HSPA12A: variants seen among roughly 807,000 people sequenced by gnomAD.
HSPA12A encodes heat shock 70 kDa protein 12A.
A neutral mutation model predicts 69.2 loss-of-function variants in HSPA12A; 28 were observed. That is an observed-to-expected ratio of 0.40 (90% CI 0.30 to 0.55). The LOEUF (loss-of-function observed/expected upper bound fraction) is 0.55. Ranked by LOEUF, HSPA12A falls within the 20% of genes least tolerant of loss-of-function variation. The probability of loss-of-function intolerance (pLI) is 0.38; values close to 1 mark genes in which losing one functional copy is unlikely to be tolerated. For synonymous variants in HSPA12A, 345 were observed against 370.5 expected, an observed-to-expected ratio of 0.93 and a Z score of 0.79; for missense variants, 686 against 900.7, an observed-to-expected ratio of 0.76 and a Z score of 3.05.
chr10:116,848,738 AG>A (rs76877725), intron 1 of HSPA12A, among the ~76,000 whole-genome samples: 48,236 of 151,944 alleles, frequency 0.32, 7,775 homozygotes, highest in East Asian at 0.42. Context: ...AGGGAACGTG[AG>A]CCAAGGCCAT....
At chr10:116,786,921 G>T (rs762512964) in intron 2 of HSPA12A, among the ~76,000 whole-genome samples, 1 of 151,860 alleles carries the variant, frequency 6.6e-6, no homozygotes, top group Non-Finnish European at 1.5e-5. Flanking sequence ...ATTACAGGTA[G>T]GAGCCACTGC....
At chr10:116,718,328 G>A (rs1325832094) in intron 1 of HSPA12A, among the ~76,000 whole-genome samples, 2 of 152,226 alleles carry the variant, frequency 1.3e-5, no homozygotes, top group Non-Finnish European at 2.9e-5. Flanking sequence ...GGAGAGGGAA[G>A]AGGAGGTAAG....
At chr10:116,762,364 T>C (rs1367486078) in intron 2 of HSPA12A, among the ~76,000 whole-genome samples, 1 of 152,224 alleles carries the variant, frequency 6.6e-6, no homozygotes, top group East Asian at 1.9e-4. Flanking sequence ...TGTTTTTCTT[T>C]TTTTGTAAAA....
At chr10:116,707,464 TG>T (rs1850293105) in intron 1 of HSPA12A, among the ~76,000 whole-genome samples, 179 bp from the exon 2 acceptor site, 1 of 152,216 alleles carries the variant, frequency 6.6e-6, no homozygotes, top group Non-Finnish European at 1.5e-5. Context: ...AGCACCTCTT[TG>T]CATTTGGTAT....
Position 116,812,160 on chromosome 10 carries a change from A to C in HSPA12A, c.91+22775T>G, listed in dbSNP as rs139491386. On this transcript the variant is annotated intron_variant, in intron 2 of 12. Coordinates refer to the HSPA12A transcript ENST00000635765. ...TATATTTGCCCCCTGCCTTACTAAA[A>C]TCATGACACTGGCTGGGCACGCTGG... 8.5e-5 allele frequency among the ~76,000 whole-genome samples: 13 copies of C among 152,282 alleles called. No homozygotes were observed. The East Asian group carries it at 1.9e-3, about 23-fold the overall frequency.
chr10:116,694,624 G>A (rs1849831796), intron 5 of HSPA12A, among the ~76,000 whole-genome samples: 1 of 151,954 alleles, frequency 6.6e-6, no homozygotes, highest in Non-Finnish European at 1.5e-5. Context: ...GGCTTTCTGA[G>A]TCCTAAATTT....
chr10:116,844,248 G>C (rs1025662781), intron 1 of HSPA12A, among the ~76,000 whole-genome samples: 1 of 152,156 alleles, frequency 6.6e-6, no homozygotes, highest in Non-Finnish European at 1.5e-5. Flanking sequence ...TCAATGAAAT[G>C]ATGTAAGTAA....
At chr10:116,706,610 G>A (rs1850260117) in intron 2 of HSPA12A, among the ~76,000 whole-genome samples, 1 of 152,142 alleles carries the variant, frequency 6.6e-6, no homozygotes, top group East Asian at 1.9e-4. Context: ...GGCTGCCTGT[G>A]CATCTACGTG....
At chr10:116,770,452 C>T (rs1378301497) in intron 2 of HSPA12A, among the ~76,000 whole-genome samples, 1 of 152,162 alleles carries the variant, frequency 6.6e-6, no homozygotes, top group African/African-American at 2.4e-5. Context: ...AGTCCGATGC[C>T]CTCCTTGGGT....
intron 1 of HSPA12A, among the ~76,000 whole-genome samples, chr10:116,708,582 G>A (rs138793835): frequency 1.4e-4 from 22 of 152,280 alleles, no homozygotes; most frequent in African/African-American, 5.3e-4. Context: ...AAGAGGGAAT[G>A]TGAAGCCTCA....
chr10:116,782,118 C>T (rs1844476329), intron 2 of HSPA12A, among the ~76,000 whole-genome samples: 1 of 152,274 alleles, frequency 6.6e-6, no homozygotes, highest in South Asian at 2.1e-4. Flanking sequence ...GGCAAAGAGA[C>T]GTTCGCAGAG....
chr10:116,740,664 GTGTGTGTGTGT>G (rs1851465617), intron 1 of HSPA12A, among the ~76,000 whole-genome samples: 2 of 22,524 alleles, frequency 8.9e-5, no homozygotes, highest in African/African-American at 2.0e-4. Context: ...GTGTGTGTGT[GTGTGTGTGTGT>G]CTGTGTGTGT....
intron 2 of HSPA12A, among the ~76,000 whole-genome samples, chr10:116,784,761 C>A (rs1188625557): frequency 2.0e-5 from 3 of 152,152 alleles, no homozygotes; most frequent in Non-Finnish European, 2.9e-5. Flanking sequence ...TGAGCTGGGT[C>A]AATGAATCCC....
chr10:116,751,767 A>G (rs1257233886), intron 2 of HSPA12A, among the ~76,000 whole-genome samples: 2 of 152,090 alleles, frequency 1.3e-5, no homozygotes, highest in Admixed American at 6.6e-5. Context: ...GGTCAAGGGG[A>G]CAGGTCCCTC....
intron 1 of HSPA12A, among the ~76,000 whole-genome samples, chr10:116,729,725 T>G (rs1320541160): frequency 3.3e-5 from 5 of 152,200 alleles, no homozygotes; most frequent in African/African-American, 1.2e-4. Context: ...AGTGGACCTG[T>G]GCAATTCAAG....
At chr10:116,777,789 G>A (rs943625019) in intron 2 of HSPA12A, among the ~76,000 whole-genome samples, 2 of 152,190 alleles carry the variant, frequency 1.3e-5, no homozygotes, top group African/African-American at 2.4e-5. Flanking sequence ...GTACAGTGGC[G>A]CAATCTCAGC....
chr10:116,807,065 C>A (rs1385783137), intron 2 of HSPA12A, among the ~76,000 whole-genome samples: 1 of 152,148 alleles, frequency 6.6e-6, no homozygotes, highest in Non-Finnish European at 1.5e-5. Context: ...CCTGGAGCAT[C>A]CAGAGGGACT....
chr10:116,724,750 G>C (rs576776621), intron 1 of HSPA12A, among the ~76,000 whole-genome samples: 2 of 152,310 alleles, frequency 1.3e-5, no homozygotes, highest in African/African-American at 4.8e-5. Context: ...GACGCCTCCT[G>C]TCCCTTCCTG....
chr10:116,750,280 T>C, intron 2 of HSPA12A: 1 of 816,146 alleles, frequency 1.2e-6, no homozygotes, highest in Non-Finnish European at 2.1e-6. Context: ...AGGTGACTGG[T>C]GATGAATACA....
Sources: allele counts gnomAD v4.1 joint callset (sites outside exome capture counted in the v4.1 genomes callset), GRCh38; gene constraint gnomAD v4.1.1; transcripts MANE v1.5; gene names NCBI Gene and HGNC (gene_info 2026-07-23, HGNC 2026-07-21).